Variants in PRSS23 observed in about 807,000 individuals in gnomAD.
PRSS23 encodes the protein serine protease 23.
PRSS23 carries 25 observed loss-of-function variants against 34.7 expected under a neutral mutation model. The observed-to-expected ratio is 0.72, with a 90% CI of 0.53 to 1.01. PRSS23 has a LOEUF of 1.01. PRSS23 is among the 50% of genes least tolerant of loss of function. PRSS23 has a pLI of 0.00. For synonymous variants in PRSS23, 176 were observed against 186.6 expected (o/e 0.94, Z 0.46); for missense variants, 445 against 475.6 (o/e 0.94, Z 0.60).
intron 2 of PRSS23, among the ~76,000 whole-genome samples, chr11:86,847,110 G>C (rs1948492061): frequency 6.6e-6 from 1 of 152,086 alleles, no homozygotes; most frequent in Admixed American, 6.5e-5. Context: ...CACCTTGAGA[G>C]GGGGGCTTAC....
chr11:86,850,489 CCTGTGT>C (rs1314627556), intron 2 of PRSS23, among the ~76,000 whole-genome samples: 5 of 152,148 alleles, frequency 3.3e-5, no homozygotes, highest in Middle Eastern at 3.2e-3. Context: ...CACTCATTTC[CCTGTGT>C]CAGGACTTAC....
At chr11:86,951,015 G>T in intron 2 of PRSS23, 1 of 1,009,494 alleles carries the variant, frequency 9.9e-7, no homozygotes, top group East Asian at 2.4e-5. Flanking sequence ...GTGGGTTGAC[G>T]GGGGTCACTT....
chr11:86,897,191 C>T (rs1160972114), intron 2 of PRSS23, among the ~76,000 whole-genome samples: 1 of 152,198 alleles, frequency 6.6e-6, no homozygotes, highest in Non-Finnish European at 1.5e-5. Context: ...CCTGGGCCCT[C>T]ATCTACTTAA....
chr11:86,921,862 G>A (rs1409141296), intron 2 of PRSS23: 1 of 152,200 alleles, frequency 6.6e-6, no homozygotes, highest in Non-Finnish European at 1.5e-5. Flanking sequence ...GAGACACTGT[G>A]GTCCAGACCT....
intron 2 of PRSS23, among the ~76,000 whole-genome samples, chr11:86,923,959 T>C (rs1295586029): frequency 6.6e-6 from 1 of 152,230 alleles, no homozygotes; most frequent in African/African-American, 2.4e-5. Flanking sequence ...AAGAATCGTA[T>C]ATCATCAGAA....
At chr11:86,830,154 C>G (rs1387228232) in intron 2 of PRSS23, among the ~76,000 whole-genome samples, 1 of 152,224 alleles carries the variant, frequency 6.6e-6, no homozygotes, top group African/African-American at 2.4e-5. Context: ...CCAGCTCGAG[C>G]TTCCCAGCTG....
chr11:86,847,712 A>T (rs1948498274), intron 2 of PRSS23, among the ~76,000 whole-genome samples: 1 of 152,166 alleles, frequency 6.6e-6, no homozygotes, highest in African/African-American at 2.4e-5. Flanking sequence ...CTTCTGTACC[A>T]CTGCCTGGCC....
chr11:86,887,033 A>C (rs1299641523), intron 2 of PRSS23, among the ~76,000 whole-genome samples: 3 of 152,252 alleles, frequency 2.0e-5, no homozygotes, highest in African/African-American at 7.2e-5. Flanking sequence ...TGCCACCTAA[A>C]AAGGTAGGAA....
chr11:86,952,308 G>A (rs1350373174), exon 3 of PRSS23: 3 of 1,614,196 alleles, frequency 1.9e-6, no homozygotes, highest in Non-Finnish European at 2.5e-6. Context: ...TCGTTCTGTG[G>A]TGGGAATTTG....
chr11:86,924,025 G>A (rs1647282229), intron 2 of PRSS23, among the ~76,000 whole-genome samples: 1 of 152,220 alleles, frequency 6.6e-6, no homozygotes, highest in Admixed American at 6.5e-5. Flanking sequence ...AAGCCCCGGT[G>A]CTTCTCAAGC....
intron 2 of PRSS23, chr11:86,833,334 A>T: frequency 9.5e-7 from 1 of 1,048,316 alleles, no homozygotes; most frequent in Non-Finnish European, 1.5e-6. Context: ...TAATGAGCAG[A>T]TTCTCCAGCA....
chr11:86,855,254 A>G (rs1437680987), intron 2 of PRSS23, among the ~76,000 whole-genome samples: 2 of 152,132 alleles, frequency 1.3e-5, no homozygotes, highest in Admixed American at 1.3e-4. Context: ...TGGAGCGGAA[A>G]GGTAATAGCT....
At chr11:86,904,193 T>C (rs567826363) in intron 2 of PRSS23, among the ~76,000 whole-genome samples, 2 of 152,252 alleles carry the variant, frequency 1.3e-5, no homozygotes, top group East Asian at 1.9e-4. Flanking sequence ...TGGACCCAGG[T>C]TGAAGGAATG....
chr11:86,821,547 G>T (rs1948251863), intron 1 of PRSS23: 1 of 1,610,958 alleles, frequency 6.2e-7, no homozygotes, highest in African/African-American at 1.3e-5. Context: ...CAAGTATCTG[G>T]ATGGCATTCA....
intron 2 of PRSS23, among the ~76,000 whole-genome samples, chr11:86,856,480 C>T (rs1590896565): frequency 6.6e-6 from 1 of 152,228 alleles, no homozygotes; most frequent in East Asian, 1.9e-4. Flanking sequence ...CTACACATAA[C>T]CTGCCTAAAT....
intron 2 of PRSS23, chr11:86,832,741 G>A: frequency 3.4e-6 from 1 of 297,594 alleles, no homozygotes; most frequent in Non-Finnish European, 6.5e-6. Context: ...CACAGGTGGA[G>A]AAGGCTTTAT....
intron 2 of PRSS23, among the ~76,000 whole-genome samples, chr11:86,830,678 C>G (rs1948347482): frequency 6.6e-6 from 1 of 152,170 alleles, no homozygotes; most frequent in Non-Finnish European, 1.5e-5. Context: ...CCTCATATCA[C>G]AGGGGCTATA....
chr11:86,877,880 G>A (rs1233557856), intron 2 of PRSS23, among the ~76,000 whole-genome samples: 3 of 150,548 alleles, frequency 2.0e-5, no homozygotes, highest in South Asian at 2.1e-4. Flanking sequence ...GAGGTGGGGT[G>A]GGGGGTGTGC....
At chr11:86,928,063 T>C (rs966612258) in intron 2 of PRSS23, among the ~76,000 whole-genome samples, 2 of 151,406 alleles carry the variant, frequency 1.3e-5, no homozygotes, top group African/African-American at 4.8e-5. Flanking sequence ...TTATTTAGCC[T>C]ACATAGATGT....
Sources: gnomAD v4.1 joint callset for allele counts (sites outside exome capture counted in the v4.1 genomes callset) on GRCh38, gnomAD v4.1.1 for gene constraint, MANE v1.5 for transcripts, NCBI Gene and HGNC (gene_info 2026-07-23, HGNC 2026-07-21) for gene names.